TSPEAR: variants seen among roughly 807,000 people sequenced by gnomAD.
TSPEAR encodes the protein thrombospondin-type laminin G domain and EAR repeat-containing protein.
In TSPEAR, 69 loss-of-function variants were observed where a neutral mutation model predicts 71.6. That is an observed-to-expected ratio of 0.96 (90% CI 0.79 to 1.18). The LOEUF (loss-of-function observed/expected upper bound fraction) is 1.18. Ranked by LOEUF, TSPEAR falls within the 50% of genes most tolerant of loss-of-function variation. The pLI, the probability that TSPEAR is intolerant of heterozygous loss-of-function variation, is 0.00. For synonymous variants in TSPEAR, 402 were observed against 387.2 expected, an observed-to-expected ratio of 1.04 and a Z score of -0.45; for missense variants, 971 against 894.9, an observed-to-expected ratio of 1.09 and a Z score of -1.09.
chr21:44,654,756 G>A (rs1985035894), intron 1 of TSPEAR: 2 of 610,624 alleles, frequency 3.3e-6, no homozygotes, highest in Non-Finnish European at 5.9e-6. Context: ...TTCCTCCTCT[G>A]CCCTGTCTGG....
In TSPEAR at chr21:44,623,055, G is replaced by A. The variant is rs1982550353; in HGVS notation, c.83-55050C>T. ...TCCACCATGAGCAAAGCCCCCTGAG[G>A]CCTCCCCAGAAGCTGAGCAGATGCC... is the stretch of plus-strand genomic sequence containing the variant. On this transcript the variant is annotated intron_variant, in intron 1 of 11. Coordinates refer to ENST00000323084, the MANE Select transcript of TSPEAR (RefSeq NM_144991.3). This position sits in a 1 kb window ranked among gnomAD's most constrained non-coding sequence, Gnocchi z 4.5. Among the ~76,000 whole-genome samples the A allele has an allele frequency of 6.6e-6, 1 of 152,116 alleles. No individual in the cohort carries two copies. Among genetic ancestry groups the A allele is most frequent in the Admixed American group, 6.6e-5 (1 of 15,264 alleles).
chr21:44,663,140 G>T (rs1395551164), intron 1 of TSPEAR, among the ~76,000 whole-genome samples: 2 of 147,088 alleles, frequency 1.4e-5, no homozygotes, highest in African/African-American at 5.0e-5. Context: ...AAATGGAAAA[G>T]AATTCAATGA....
intron 10 of TSPEAR, among the ~76,000 whole-genome samples, chr21:44,505,788 A>G (rs1555911847): frequency 6.6e-6 from 1 of 152,056 alleles, no homozygotes; most frequent in African/African-American, 2.4e-5. Flanking sequence ...GTGAATGGAC[A>G]CGTTGTGTTT....
chr21:44,612,725 G>A lies in TSPEAR; in HGVS notation c.83-44720C>T, dbSNP rs143390116. ...CTCCTGCTGCAGACCCTCCTCCTCC[G>A]TGTCCCTCCTCTGCCGCCCTGTGTG... On this transcript the variant is annotated intron_variant, in intron 1 of 11. Transcript: ENST00000323084. This position sits in a 1 kb window ranked among gnomAD's most constrained non-coding sequence, Gnocchi z 4.1. The A allele has an allele frequency of 1.3e-4, 205 of 1,613,346 alleles. No individual in the cohort carries two copies. The highest frequency in any genetic ancestry group is 1.6e-4 in the Non-Finnish European group (188 of 1,179,836).
chr21:44,569,314 C>T (rs373126212), intron 1 of TSPEAR, among the ~76,000 whole-genome samples: 1 of 152,212 alleles, frequency 6.6e-6, no homozygotes, highest in Admixed American at 6.5e-5. Flanking sequence ...GTGATGCAGC[C>T]GTGCACGTCC....
chr21:44,586,488 C>T (rs1555925697), intron 1 of TSPEAR, among the ~76,000 whole-genome samples: 2 of 152,150 alleles, frequency 1.3e-5, no homozygotes, highest in African/African-American at 4.8e-5. Flanking sequence ...AATTCACAAG[C>T]CATGAAGCTC....
intron 1 of TSPEAR, among the ~76,000 whole-genome samples, chr21:44,641,677 GGT>G (rs1984029655): frequency 6.6e-6 from 1 of 152,178 alleles, no homozygotes; most frequent in Admixed American, 6.5e-5. Flanking sequence ...GGAGGGGTCT[GGT>G]GAAATGAATG....
chr21:44,677,884 C>A, intron 1 of TSPEAR: 2 of 1,386,168 alleles, frequency 1.4e-6, no homozygotes, highest in Admixed American at 1.8e-5. Flanking sequence ...AAATGGGAAG[C>A]CCATTTGGCA....
Position 44,551,439 on chromosome 21 carries a change from G to T in TSPEAR, c.303+16346C>A, listed in dbSNP as rs782009476. 9 of 1,612,164 alleles carry T rather than the reference G, an allele frequency of 5.6e-6. No homozygotes were observed. In the African/African-American group the frequency reaches 8.0e-5, roughly 14 times the overall value. ...GTTGGTGCAGGCGCTGGAGCAGATG[G>T]ACATGGTGGAGGCGGCCATGCTGGA... On this transcript the variant is annotated intron_variant, in intron 2 of 11. Transcript: ENST00000323084.
At chr21:44,676,758 C>T (rs1986330658) in intron 1 of TSPEAR, 3 of 807,082 alleles carry the variant, frequency 3.7e-6, no homozygotes, top group Non-Finnish European at 6.7e-6. Context: ...CCTATTCAGC[C>T]TGCATTTTAC....
chr21:44,660,958 G>C (rs587758620), intron 1 of TSPEAR, among the ~76,000 whole-genome samples: 1 of 151,712 alleles, frequency 6.6e-6, no homozygotes, highest in South Asian at 2.1e-4. Flanking sequence ...AAAAAGAAAA[G>C]AAAGAAAAGA....
intron 1 of TSPEAR, chr21:44,580,578 T>G (rs782233184): frequency 2.5e-6 from 4 of 1,607,032 alleles, no homozygotes; most frequent in Non-Finnish European, 2.5e-6. Flanking sequence ...CACGCGGCCA[T>G]GCTGGGGTGG....
chr21:44,705,659 A>T (rs1987876202), intron 1 of TSPEAR, among the ~76,000 whole-genome samples: 1 of 152,142 alleles, frequency 6.6e-6, no homozygotes, highest in East Asian at 1.9e-4. Context: ...CTTATTAGGA[A>T]GAGGAAATTC....
chr21:44,580,359 A>C lies in TSPEAR; in HGVS notation c.83-12354T>G. On this transcript the variant is annotated intron_variant, in intron 1 of 11. Transcript: ENST00000323084. Reference sequence around the variant, plus strand: ...GAGGAGGCGCAGCAAGCCGGCTGGCAGCACGAGGGCGTGCAGGAGCTGGTG... The same window carrying C: ...GAGGAGGCGCAGCAAGCCGGCTGGCCGCACGAGGGCGTGCAGGAGCTGGTG... 3 of 1,613,750 alleles carry C rather than the reference A, an allele frequency of 1.9e-6. No homozygotes were observed. Among genetic ancestry groups the C allele is most frequent in the Non-Finnish European group, 2.5e-6 (3 of 1,179,942 alleles).
chr21:44,667,154 T>C (rs1555945051), intron 1 of TSPEAR, among the ~76,000 whole-genome samples: 1 of 152,226 alleles, frequency 6.6e-6, no homozygotes, highest in Non-Finnish European at 1.5e-5. Flanking sequence ...TTTTACTGGC[T>C]TCATCAAGAT....
rs1020102240 is a variant in TSPEAR at position 44,533,197 on chromosome 21, C to T, written c.542+488G>A. ...TTTTGACAGGAGTGTGCTTCATAAA[C>T]GCTCCGCGGGAGAGGCCCATTCCCC... On this transcript the variant is annotated intron_variant, in intron 3 of 11. Transcript: ENST00000323084. Among the ~76,000 whole-genome samples, 20 of 152,324 alleles carry T rather than the reference C, an allele frequency of 1.3e-4. No individual in the cohort carries two copies. In the East Asian group the frequency reaches 2.1e-3, roughly 16 times the overall value.
chr21:44,637,717 TGTGCCCGTCTGCTGC>T (rs782019885), intron 1 of TSPEAR: 16 of 848,684 alleles, frequency 1.9e-5, no homozygotes, highest in East Asian at 8.9e-5. Context: ...CTGTCTGCTG[TGTGCCCGTCTGCTGC>T]GTGCCCGTCT....
chr21:44,540,551 G>C (rs1337824026), intron 2 of TSPEAR, among the ~76,000 whole-genome samples: 2 of 152,196 alleles, frequency 1.3e-5, no homozygotes, highest in Admixed American at 1.3e-4. Flanking sequence ...GCATGCCAGG[G>C]TGAGAGCTGT....
At position 44,683,239 on chromosome 21, in the gene TSPEAR, G is replaced by C. The variant is rs143453344; in HGVS notation, c.82+28194C>G. On this transcript the variant is annotated intron_variant, in intron 1 of 11. Coordinates refer to ENST00000323084, the MANE Select transcript of TSPEAR (RefSeq NM_144991.3). ...AGATGCTTCCCAGAGATCCACCCTA[G>C]CAAAGTGTTGAACAAAAACTGCACA... 8.2e-4 allele frequency among the ~76,000 whole-genome samples: 124 copies of C among 152,094 alleles called. 1 individual carries two copies. Among genetic ancestry groups the C allele is most frequent in the Admixed American group, 5.2e-4 (8 of 15,286 alleles).
Sources: allele counts gnomAD v4.1 joint callset (sites outside exome capture counted in the v4.1 genomes callset), GRCh38; gene constraint gnomAD v4.1.1; non-coding constraint Gnocchi (gnomAD v3.1); transcripts MANE v1.5; gene names NCBI Gene and HGNC (gene_info 2026-07-23, HGNC 2026-07-21).